Variants in CAPN2 observed in about 807,000 individuals in gnomAD.
CAPN2 encodes calpain 2, also known as calpain-2 catalytic subunit.
In CAPN2, 92 loss-of-function variants were observed where a neutral mutation model predicts 102.3. That is an observed-to-expected ratio of 0.90 (90% CI 0.76 to 1.07). The LOEUF is 1.07. Among genes scored for constraint, CAPN2 ranks in the 50% least tolerant of loss-of-function variants. CAPN2 has a pLI of 0.00. For synonymous variants in CAPN2, 340 were observed against 355.4 expected (o/e 0.96, Z 0.49); for missense variants, 800 against 909.4 (o/e 0.88, Z 1.55).
Position 223,749,123 on chromosome 1 carries a change from GTA to G in CAPN2, c.813+2_813+3del, listed in dbSNP as rs773673860. On this transcript the variant is annotated splice_donor_variant and splice_donor_region_variant and intron_variant, in intron 6 of 20. Transcript: ENST00000295006. LOFTEE classifies it high-confidence loss of function. ...GTACTCGGTCACCGGAGCCGAGGAGGTAACGGCCGGCGCGGATGTGCAGGGGT... is the reference window on the plus strand; with the variant it reads ...GTACTCGGTCACCGGAGCCGAGGAGGACGGCCGGCGCGGATGTGCAGGGGT... 8.1e-6 allele frequency: 13 copies of G among 1,613,650 alleles called. No individual in the cohort carries two copies. The South Asian group carries it at 1.3e-4, about 16-fold the overall frequency.
chr1:223,718,703 A>G (rs944432513), intron 2 of CAPN2, among the ~76,000 whole-genome samples: 2 of 152,232 alleles, frequency 1.3e-5, no homozygotes, highest in African/African-American at 2.4e-5. Flanking sequence ...AGACAAGTTC[A>G]TCAGTAGCAA....
Position 223,754,847 on chromosome 1 carries a change from C to T in CAPN2, c.1136-633C>T, listed in dbSNP as rs796365640. Among the ~76,000 whole-genome samples the T allele has an allele frequency of 5.4e-4, 82 of 152,144 alleles. No individual in the cohort carries two copies. Among genetic ancestry groups the T allele is most frequent in the African/African-American group, 1.7e-3 (71 of 41,506 alleles). On this transcript the variant is annotated intron_variant, in intron 9 of 20. Transcript: ENST00000295006. This position sits in a 1 kb window ranked among gnomAD's most constrained non-coding sequence, Gnocchi z 4.7. The stretch of plus-strand genomic sequence containing the variant: ...ACCGGCAAGTGCAGGGAGCAGATCC[C>T]GGAGTCCCCCAGGCCAGCCGAGCCC...
chr1:223,710,928 G>C (rs1659712846), upstream of CAPN2, among the ~76,000 whole-genome samples: 1 of 145,004 alleles, frequency 6.9e-6, no homozygotes, highest in Non-Finnish European at 1.5e-5. Flanking sequence ...ATAAAACCAA[G>C]CTGCACCCCA....
At chr1:223,770,368 C>A in intron 17 of CAPN2, 79 bp from the exon 18 acceptor site, 1 of 896,096 alleles carries the variant, frequency 1.1e-6, no homozygotes, top group Non-Finnish European at 1.8e-6. Flanking sequence ...AACTTCATCC[C>A]CACTCAGCAC....
chr1:223,717,981 C>T (rs567043707), intron 2 of CAPN2, 150 bp downstream of exon 2: 11 of 671,038 alleles, frequency 1.6e-5, no homozygotes, highest in Non-Finnish European at 1.3e-5. Context: ...TTGGCCCTAG[C>T]GGGCAATGAT....
In CAPN2 at chr1:223,770,378, C is replaced by T. The variant is rs572975848; in HGVS notation, c.1825-69C>T. ...GGAAAAACTTCATCCCCACTCAGCACATACTAGGGAGGTAACTTGCCAGCT... is the reference window on the plus strand; with the variant it reads ...GGAAAAACTTCATCCCCACTCAGCATATACTAGGGAGGTAACTTGCCAGCT... On this transcript the variant is annotated intron_variant, in intron 17 of 20. Transcript: ENST00000295006. 2,206 of 1,026,770 alleles carry T rather than the reference C, an allele frequency of 2.1e-3. 8 individuals carry two copies. Among genetic ancestry groups the T allele is most frequent in the Non-Finnish European group, 1.9e-3 (1,212 of 654,234 alleles). 63.6% of individuals were successfully genotyped at this position (1,026,770 alleles called of 1,614,324 possible). A position where few individuals can be genotyped will look rare whatever the true frequency, so the allele number is the denominator to read the frequency against.
intron 9 of CAPN2, 29 bp downstream of exon 9, chr1:223,752,985 G>A (rs779862797): frequency 1.9e-6 from 3 of 1,608,686 alleles, no homozygotes; most frequent in African/African-American, 2.7e-5. Context: ...AAGGGCTGTT[G>A]CAATGCGGGG....
upstream of CAPN2, chr1:223,712,536 C>T (rs1475485763): frequency 9.7e-6 from 12 of 1,240,872 alleles, no homozygotes; most frequent in Non-Finnish European, 1.2e-5. Flanking sequence ...CGGCGGCGCC[C>T]GCAGTGGCCG....
Position 223,775,971 on chromosome 1 carries a change from C to T in CAPN2, c.*1114C>T, listed in dbSNP as rs1661608743. 1 of 152,524 alleles carries T rather than the reference C, an allele frequency of 6.6e-6. No homozygotes were observed. 9.4% of individuals were successfully genotyped at this position (152,524 alleles called of 1,614,324 possible). On this transcript the variant is annotated 3_prime_UTR_variant, in exon 21 of 21. Coordinates refer to ENST00000295006, the MANE Select transcript of CAPN2 (RefSeq NM_001748.5). ...ATTCATGTATTCAAAGGAAAAGACA[C>T]CTTGCCTATAATTAAAATGTGGAAC...
In CAPN2 at chr1:223,718,755, A is replaced by G. The variant is rs369020123; in HGVS notation, c.307+924A>G. ...TTGTACCTCCTGTCCTCACCCACCT[A>G]GCAGAGGTTCTGTTACTCATATACT... On this transcript the variant is annotated intron_variant, in intron 2 of 20. Transcript: ENST00000295006. Among the ~76,000 whole-genome samples the G allele has an allele frequency of 2.6e-5, 4 of 152,342 alleles. No individual in the cohort carries two copies. In the South Asian group the frequency reaches 8.3e-4, roughly 32 times the overall value.
At chr1:223,761,653 C>G in intron 13 of CAPN2, 36 bp downstream of exon 13, 1 of 1,573,026 alleles carries the variant, frequency 6.4e-7, no homozygotes, top group Non-Finnish European at 8.7e-7. Flanking sequence ...CCACTCTGTC[C>G]TGGACAATCC....
chr1:223,705,072 C>A (rs1424994835), intron 1 of CAPN2, among the ~76,000 whole-genome samples: 1 of 152,312 alleles, frequency 6.6e-6, no homozygotes, highest in Admixed American at 6.5e-5. Context: ...AGGCTTCCTG[C>A]CCCTCGGCCA....
Position 223,705,735 on chromosome 1 carries a change from G to A in CAPN2, c.3+3904G>A, listed in dbSNP as rs1253921009. Among the ~76,000 whole-genome samples the A allele has an allele frequency of 1.3e-5, 2 of 152,176 alleles. 1 individual carries two copies. The highest frequency in any genetic ancestry group is 4.1e-4 in the South Asian group (2 of 4,824). Reference sequence around the variant, plus strand: ...GCTCTATATTTGTTCCCTACAACAGGAAGCGTGAAAACAGGATTTGCTGCC... The same window carrying A: ...GCTCTATATTTGTTCCCTACAACAGAAAGCGTGAAAACAGGATTTGCTGCC... On this transcript the variant is annotated intron_variant, in intron 1 of 20. Transcript: ENST00000433674.
rs1308668551 is a variant in CAPN2, at chr1:223,755,419, AC to A, written c.1136-55del. On this transcript the variant is annotated intron_variant, in intron 9 of 20. Transcript: ENST00000295006. The surrounding 1 kb of genome is among the most constrained non-coding windows in gnomAD (Gnocchi z 4.1). ...AGCCTCCAAGCCTGAGACCAGGGCC[AC>A]CCCCCACCCCCATGCATTCCTGCTC... The A allele has an allele frequency of 3.2e-6, 5 of 1,574,152 alleles. No homozygotes were observed. The highest frequency in any genetic ancestry group is 3.4e-5 in the Admixed American group (2 of 58,084).
At position 223,723,206 on chromosome 1, in the gene CAPN2, C is replaced by T. The variant is rs563196998; in HGVS notation, c.307+5375C>T. On this transcript the variant is annotated intron_variant, in intron 2 of 20. Transcript: ENST00000295006. ...GCACATGCCTGTCGTCCCAGCTACT[C>T]GGGAGGCTGAAGCAGGAGGATCACT... Among the ~76,000 whole-genome samples the T allele has an allele frequency of 1.4e-3, 206 of 152,168 alleles. 2 individuals are homozygous for T. The highest frequency in any genetic ancestry group is 4.2e-3 in the African/African-American group (175 of 41,526).
At chr1:223,715,957 G>A (rs1659863510) in intron 1 of CAPN2, among the ~76,000 whole-genome samples, 1 of 152,106 alleles carries the variant, frequency 6.6e-6, no homozygotes, top group African/African-American at 2.4e-5. Context: ...CTCTGTGGTG[G>A]GTGTTTTCAT....
chr1:223,757,421 A>C (rs1178927945), intron 11 of CAPN2, 41 bp downstream of exon 11: 25 of 1,612,934 alleles, frequency 1.5e-5, no homozygotes, highest in Non-Finnish European at 2.0e-5. Context: ...GGTCACCAAA[A>C]AAGCGAGAGG....
rs190988108 is a variant in CAPN2, at chr1:223,721,319, G to A, written c.307+3488G>A. ...GGGTAATAACCACATTCTTACAGGT[G>A]CTTGCCACTTGAAATGGCTCCCAAG... On this transcript the variant is annotated intron_variant, in intron 2 of 20. Transcript: ENST00000295006. Among the ~76,000 whole-genome samples the A allele has an allele frequency of 9.8e-5, 15 of 152,290 alleles. No homozygotes were observed. The East Asian group carries it at 2.5e-3, about 25-fold the overall frequency.
chr1:223,714,377 C>A (rs189812822), intron 1 of CAPN2, among the ~76,000 whole-genome samples: 143 of 152,278 alleles, frequency 9.4e-4, no homozygotes, highest in African/African-American at 3.2e-3. Context: ...ACATGCCAGG[C>A]ACTGTCCTGA....
Sources: allele counts gnomAD v4.1 joint callset (sites outside exome capture counted in the v4.1 genomes callset), GRCh38; gene constraint gnomAD v4.1.1; non-coding constraint Gnocchi (gnomAD v3.1); transcripts MANE v1.5; gene names NCBI Gene and HGNC (gene_info 2026-07-23, HGNC 2026-07-21).